The following ZC3H4 variants were observed in gnomAD, a reference collection of about 807,000 sequenced individuals.
ZC3H4 encodes the protein zinc finger CCCH domain-containing protein 4.
ZC3H4 carries 13 observed loss-of-function variants against 108.3 expected under a neutral mutation model. The ratio of observed to expected loss-of-function variants is 0.12; its 90% CI spans 0.08 to 0.19. The LOEUF (loss-of-function observed/expected upper bound fraction) is 0.19. ZC3H4 is among the 10% of genes least tolerant of loss of function. ZC3H4 has a pLI of 1.00. For synonymous variants in ZC3H4, 917 were observed against 749.6 expected (o/e 1.22, Z -3.65); for missense variants, 1,734 against 1,838.8 (o/e 0.94, Z 1.04).
intron 11 of ZC3H4, among the ~76,000 whole-genome samples, chr19:47,080,261 C>T (rs993698899): frequency 2.0e-5 from 3 of 152,292 alleles, no homozygotes; most frequent in South Asian, 4.1e-4. Flanking sequence ...TTAACCCTAA[C>T]CCAAGGTCCT....
intron 14 of ZC3H4, among the ~76,000 whole-genome samples, chr19:47,068,592 T>A (rs944235783): frequency 3.3e-5 from 5 of 152,156 alleles, no homozygotes; most frequent in African/African-American, 1.2e-4. Context: ...CAGGGCCACC[T>A]GTGGCCTCTG....
chr19:47,108,528 G>A (rs1307402046), intron 2 of ZC3H4, among the ~76,000 whole-genome samples: 1 of 152,204 alleles, frequency 6.6e-6, no homozygotes, highest in African/African-American at 2.4e-5. Flanking sequence ...AGAAGCAGAG[G>A]TGTAGGCACC....
chr19:47,090,376 G>A (rs571969066), intron 4 of ZC3H4, among the ~76,000 whole-genome samples, 187 bp from the exon 5 acceptor site: 1 of 152,236 alleles, frequency 6.6e-6, no homozygotes, highest in South Asian at 2.1e-4. Context: ...AGTAGCAGCG[G>A]GCCCAAGTGT....
intron 2 of ZC3H4, among the ~76,000 whole-genome samples, chr19:47,094,820 G>C (rs1274804381): frequency 6.6e-6 from 1 of 152,188 alleles, no homozygotes; most frequent in Non-Finnish European, 1.5e-5. Context: ...GGCTGGGGGA[G>C]GGGTAGGAGT....
At chr19:47,104,164 C>T (rs995416839) in intron 2 of ZC3H4, among the ~76,000 whole-genome samples, 2 of 151,148 alleles carry the variant, frequency 1.3e-5, no homozygotes, top group African/African-American at 2.4e-5. Context: ...ACTAAAAACA[C>T]AAAAATTAGC....
intron 2 of ZC3H4, among the ~76,000 whole-genome samples, chr19:47,108,150 T>G (rs1447102730): frequency 2.0e-5 from 3 of 152,162 alleles, no homozygotes; most frequent in African/African-American, 7.2e-5. Flanking sequence ...GTCATCCTTT[T>G]TTCTTAGCTG....
Position 47,067,627 on chromosome 19 carries a change from C to A in ZC3H4, c.2641G>T (p.Gly881Cys). 6 of 1,604,102 alleles carry A rather than the reference C, an allele frequency of 3.7e-6. No homozygotes were observed. Among genetic ancestry groups the A allele is most frequent in the Non-Finnish European group, 5.1e-6 (6 of 1,177,548 alleles). The change falls in exon 15 of 15, where the codon GGC (glycine) becomes TGC (cysteine). Residue 881 changes from glycine (G) to cysteine (C), a missense_variant. Gly to Cys is a radical substitution (Grantham distance 159). Coordinates refer to ENST00000253048, the MANE Select transcript of ZC3H4 (RefSeq NM_015168.2). This position sits in a 1 kb window ranked among gnomAD's most constrained non-coding sequence, Gnocchi z 6.4. The part of the protein sequence containing the change: ...TRHVEASGGS[G>C]PGDSGPSDPR... ...TCGGAGGGTCCCGAATCACCTGGGC[C>A]AGACCCGCCAGAAGCCTCCACATGG...
At chr19:47,112,257 AGAGC>A in intron 2 of ZC3H4, 163 bp downstream of exon 2, 1 of 1,143,266 alleles carries the variant, frequency 8.7e-7, no homozygotes, top group East Asian at 3.2e-5. Flanking sequence ...CAAGCGAGAA[AGAGC>A]GAGCGAGCAA....
intron 2 of ZC3H4, among the ~76,000 whole-genome samples, chr19:47,101,114 C>A (rs74984261): frequency 6.6e-6 from 1 of 151,506 alleles, no homozygotes; most frequent in Non-Finnish European, 1.5e-5. Flanking sequence ...GGCCAACAGG[C>A]GGATCACTTG....
At chr19:47,110,126 G>A (rs1404085158) in intron 2 of ZC3H4, among the ~76,000 whole-genome samples, 1 of 152,106 alleles carries the variant, frequency 6.6e-6, no homozygotes, top group Non-Finnish European at 1.5e-5. Flanking sequence ...CTTTACAAAT[G>A]ACTTGCTCAA....
intron 11 of ZC3H4, among the ~76,000 whole-genome samples, chr19:47,073,715 C>A (rs945802507): frequency 1.3e-5 from 2 of 152,250 alleles, no homozygotes; most frequent in Non-Finnish European, 2.9e-5. Flanking sequence ...TCGCTCCCCA[C>A]CCTCTACCCC....
rs1217967859 is a variant in ZC3H4, at chr19:47,067,493, C to T, written c.2775G>A (p.Glu925=). ...SKGSGPPPTE[E]EEGERALREK... is the part of the protein sequence containing the mutation. ...CCCGCAGGGCCCGCTCCCCTTCCTC[C>T]TCCTCCGTTGGGGGCGGCCCAGACC... The change falls in exon 15 of 15, where the codon GAG becomes GAA. Residue 925 remains glutamate (E), a synonymous_variant. Transcript: ENST00000253048. This position sits in a 1 kb window ranked among gnomAD's most constrained non-coding sequence, Gnocchi z 6.4. 5.4e-5 allele frequency: 85 copies of T among 1,583,792 alleles called. No homozygotes were observed. The highest frequency in any genetic ancestry group is 7.3e-5 in the Non-Finnish European group (85 of 1,163,518).
At chr19:47,105,327 G>A (rs1198757759) in intron 2 of ZC3H4, among the ~76,000 whole-genome samples, 5 of 152,120 alleles carry the variant, frequency 3.3e-5, no homozygotes, top group South Asian at 4.1e-4. Flanking sequence ...CTGGCCAGGC[G>A]CGGTGGCTCA....
At chr19:47,100,043 G>A (rs1299905232) in intron 2 of ZC3H4, among the ~76,000 whole-genome samples, 1 of 152,078 alleles carries the variant, frequency 6.6e-6, no homozygotes, top group South Asian at 2.1e-4. Flanking sequence ...AAATTACAAG[G>A]AGGCGCCGCC....
chr19:47,066,672 G>A lies in ZC3H4; in HGVS notation c.3596C>T (p.Pro1199Leu), dbSNP rs1568523774. The change falls in exon 15 of 15, where the codon CCA becomes CTA. Residue 1199 changes from proline to leucine, a missense_variant. Pro to Leu is a moderately conservative substitution (Grantham distance 98, BLOSUM62 -3). Coordinates refer to ENST00000253048, the MANE Select transcript of ZC3H4 (RefSeq NM_015168.2). Reference protein sequence around the residue: ...PFVRKSALEQPETGKAGADGG... With the variant: ...PFVRKSALEQLETGKAGADGG... ...ATCAGCACCGGCCTTCCCTGTCTCTGGCTGTTCCAGGGCAGACTTGCGGAC... is the reference window on the plus strand; with the variant it reads ...ATCAGCACCGGCCTTCCCTGTCTCTAGCTGTTCCAGGGCAGACTTGCGGAC... 3.1e-6 allele frequency: 5 copies of A among 1,611,636 alleles called. No individual in the cohort carries two copies. Among genetic ancestry groups the A allele is most frequent in the East Asian group, 2.2e-5 (1 of 44,830 alleles).
chr19:47,110,292 C>CT (rs1001436509), intron 2 of ZC3H4, among the ~76,000 whole-genome samples: 10 of 152,210 alleles, frequency 6.6e-5, no homozygotes, highest in African/African-American at 2.4e-4. Context: ...TACAAATGGA[C>CT]TTGAAGTATC....
chr19:47,085,287 C>T, intron 7 of ZC3H4, 31 bp downstream of exon 7: 1 of 1,574,466 alleles, frequency 6.4e-7, no homozygotes, highest in Non-Finnish European at 8.7e-7. Context: ...CCCTGCCCCA[C>T]CCAGCGTGTC....
chr19:47,076,240 G>A (rs1568539038), intron 11 of ZC3H4, among the ~76,000 whole-genome samples: 1 of 152,182 alleles, frequency 6.6e-6, no homozygotes, highest in Non-Finnish European at 1.5e-5. Context: ...GTAATGAACT[G>A]TTACTTGCAA....
Position 47,086,447 on chromosome 19 carries a change from G to A in ZC3H4, c.807C>T (p.Gly269=). 6.2e-7 allele frequency: 1 copy of A among 1,612,740 alleles called. No homozygotes were observed. Among genetic ancestry groups the A allele is most frequent in the Non-Finnish European group, 8.5e-7 (1 of 1,179,730 alleles). The change falls in exon 6 of 15, where the codon GGC becomes GGT. Residue 269 remains glycine, a synonymous_variant. Transcript: ENST00000253048. The part of the protein sequence containing the change: ...RGMGRGSRGR[G]RGSMGGDHPE... ...GGTGGTCTCCTCCCATAGAGCCTCT[G>A]CCCCTGCCTCGGCTGCCCCTGCCCA... is the stretch of plus-strand genomic sequence containing the variant.
Sources: allele counts gnomAD v4.1 joint callset (sites outside exome capture counted in the v4.1 genomes callset), GRCh38; gene constraint gnomAD v4.1.1; non-coding constraint Gnocchi (gnomAD v3.1); transcripts MANE v1.5; gene names NCBI Gene and HGNC (gene_info 2026-07-23, HGNC 2026-07-21).